The following NECAB1 variants were observed in gnomAD, a reference collection of about 807,000 sequenced individuals.
NECAB1 encodes the protein N-terminal EF-hand calcium binding protein 1, also known as N-terminal EF-hand calcium-binding protein 1.
In NECAB1, 29 loss-of-function variants were observed where a neutral mutation model predicts 57.5. The observed-to-expected ratio is 0.50, with a 90% confidence interval of 0.38 to 0.69. The LOEUF is 0.69. NECAB1 is among the 30% of genes least tolerant of loss of function. NECAB1 has a pLI of 0.00. For synonymous variants in NECAB1, 142 were observed against 147.7 expected, an observed-to-expected ratio of 0.96 and a Z score of 0.28; for missense variants, 372 against 413.8, an observed-to-expected ratio of 0.90 and a Z score of 0.88.
chr8:90,882,871 A>G (rs745442044), intron 5 of NECAB1, among the ~76,000 whole-genome samples: 3 of 152,158 alleles, frequency 2.0e-5, no homozygotes, highest in Non-Finnish European at 4.4e-5. Flanking sequence ...GACAATTAAA[A>G]TCATACTCAA....
chr8:90,858,954 C>A (rs1812845605), intron 3 of NECAB1: 1 of 149,048 alleles, frequency 6.7e-6, no homozygotes, highest in Non-Finnish European at 1.5e-5. Context: ...TACTCTCATG[C>A]CAGTCAATTG....
Position 90,939,885 on chromosome 8 carries a change from C to A in NECAB1, c.748-901C>A, listed in dbSNP as rs949780854. On this transcript the variant is annotated intron_variant, in intron 9 of 12. Transcript: ENST00000417640. ...GGTTTAATTCTCTCATGCTACATAG[C>A]TGGTATTACTGTGGAAGTTATTTTT... Among the ~76,000 whole-genome samples the A allele has an allele frequency of 7.9e-5, 12 of 152,192 alleles. No individual in the cohort carries two copies. In the South Asian group the frequency reaches 2.5e-3, roughly 31 times the overall value.
At chr8:90,928,375 T>C in intron 8 of NECAB1, 76 bp downstream of exon 8, 1 of 1,069,682 alleles carries the variant, frequency 9.3e-7, no homozygotes. Context: ...TTGCTTTATA[T>C]CCATGACTGC....
rs549555061 is a variant in NECAB1, at chr8:90,808,570, C to T, written c.124+6855C>T. ...TACACAGAAACTCTTGGAAAGGTGC[C>T]TGGCCCTTAGGAAGTTCTTAATAAG... On this transcript the variant is annotated intron_variant, in intron 2 of 12. Coordinates refer to ENST00000417640, the MANE Select transcript of NECAB1 (RefSeq NM_022351.5). Among the ~76,000 whole-genome samples, 3 of 151,918 alleles carry T rather than the reference C, an allele frequency of 2.0e-5. No individual in the cohort carries two copies. In the South Asian group the frequency reaches 6.2e-4, roughly 32 times the overall value.
intron 5 of NECAB1, among the ~76,000 whole-genome samples, chr8:90,886,378 CT>C (rs750285509): frequency 6.6e-6 from 1 of 151,898 alleles, no homozygotes. Context: ...TTATAATGTA[CT>C]CAGTTTTGTG....
chr8:90,821,775 AG>A (rs1030042914), intron 2 of NECAB1, among the ~76,000 whole-genome samples: 2 of 151,792 alleles, frequency 1.3e-5, no homozygotes, highest in Non-Finnish European at 2.9e-5. Flanking sequence ...GATCCATAAA[AG>A]CTTGTCTACC....
At chr8:90,943,857 C>T (rs980784290) in intron 10 of NECAB1, among the ~76,000 whole-genome samples, 2 of 152,130 alleles carry the variant, frequency 1.3e-5, no homozygotes, top group Admixed American at 6.5e-5. Context: ...GCTCAAGCAA[C>T]CCTCCCACCT....
chr8:90,823,785 C>G (rs975424102), intron 2 of NECAB1, among the ~76,000 whole-genome samples: 1 of 151,844 alleles, frequency 6.6e-6, no homozygotes, highest in Admixed American at 6.6e-5. Context: ...AGGGATCTTA[C>G]TATCTTTTAC....
chr8:90,833,407 TC>T (rs1484935294), intron 3 of NECAB1, among the ~76,000 whole-genome samples: 3 of 152,106 alleles, frequency 2.0e-5, no homozygotes, highest in African/African-American at 4.8e-5. Flanking sequence ...AAGCTTAAAT[TC>T]TTTTTTTTTA....
At chr8:90,915,543 A>G (rs890719351) in intron 5 of NECAB1, among the ~76,000 whole-genome samples, 1 of 152,176 alleles carries the variant, frequency 6.6e-6, no homozygotes, top group Non-Finnish European at 1.5e-5. Flanking sequence ...TAATTTTTAA[A>G]TAGGACTATT....
Position 90,956,289 on chromosome 8 carries a change from G to A in NECAB1, c.*777G>A, listed in dbSNP as rs891191630. On this transcript the variant is annotated 3_prime_UTR_variant, in exon 13 of 13. Coordinates refer to ENST00000417640, the MANE Select transcript of NECAB1 (RefSeq NM_022351.5). ...TTTATGCTATATAGTTTTGGTATGC[G>A]ATACAGACAGCTAACTTTTCTTATG... is the stretch of plus-strand genomic sequence containing the variant. 2.6e-5 allele frequency: 4 copies of A among 152,016 alleles called. No individual in the cohort carries two copies. Among genetic ancestry groups the A allele is most frequent in the African/African-American group, 7.2e-5 (3 of 41,530 alleles). 9.4% of individuals were successfully genotyped at this position (152,016 alleles called of 1,614,324 possible).
At chr8:90,833,166 A>G (rs1812318909) in intron 3 of NECAB1, among the ~76,000 whole-genome samples, 1 of 151,626 alleles carries the variant, frequency 6.6e-6, no homozygotes, top group African/African-American at 2.4e-5. Context: ...CTTCTATCCT[A>G]CCTTTATACT....
chr8:90,947,488 C>G (rs977603453), intron 10 of NECAB1, among the ~76,000 whole-genome samples: 3 of 151,576 alleles, frequency 2.0e-5, no homozygotes, highest in African/African-American at 7.3e-5. Flanking sequence ...GCAACCTTCA[C>G]CTCCTGGGTT....
rs566437706 is a variant in NECAB1, at chr8:90,846,953, T to C, written c.233+22128T>C. Among the ~76,000 whole-genome samples, 50 of 152,286 alleles carry C rather than the reference T, an allele frequency of 3.3e-4. No homozygotes were observed. The South Asian group carries it at 0.01, about 31-fold the overall frequency. ...GTGGGGACACAGCCAAACCATATCATTGTGCCCTGGCCCCTCTCAAATCTA... is the reference window on the plus strand; with the variant it reads ...GTGGGGACACAGCCAAACCATATCACTGTGCCCTGGCCCCTCTCAAATCTA... On this transcript the variant is annotated intron_variant, in intron 3 of 12. Coordinates refer to ENST00000417640, the MANE Select transcript of NECAB1 (RefSeq NM_022351.5).
At chr8:90,955,117 TATATATA>T (rs1811005832) in intron 12 of NECAB1, among the ~76,000 whole-genome samples, 1 of 86,860 alleles carries the variant, frequency 1.2e-5, no homozygotes, top group African/African-American at 7.1e-5. Flanking sequence ...ATAAATTATA[TATATATA>T]TATATATATA....
intron 3 of NECAB1, among the ~76,000 whole-genome samples, chr8:90,864,001 G>A (rs1808459088): frequency 6.6e-6 from 1 of 152,098 alleles, no homozygotes; most frequent in Non-Finnish European, 1.5e-5. Context: ...ACTGATGCTG[G>A]TCCTCAAAGT....
intron 10 of NECAB1, among the ~76,000 whole-genome samples, chr8:90,948,242 A>G (rs1214752893): frequency 6.6e-6 from 1 of 152,202 alleles, no homozygotes; most frequent in Admixed American, 6.6e-5. Flanking sequence ...ACCCCCAAAG[A>G]GCACATTCAT....
Position 90,958,147 on chromosome 8 carries a change from A to G in NECAB1, c.*2635A>G, listed in dbSNP as rs1471000293. ...ACAAATTGCAGGAGATTTAATGTAT[A>G]AAATTTCTAGGAATTAAAAGCTTAA... On this transcript the variant is annotated 3_prime_UTR_variant, in exon 13 of 13. Coordinates refer to ENST00000417640, the MANE Select transcript of NECAB1 (RefSeq NM_022351.5). The G allele has an allele frequency of 6.6e-6, 1 of 151,120 alleles. No homozygotes were observed. Among genetic ancestry groups the G allele is most frequent in the East Asian group, 1.9e-4 (1 of 5,172 alleles). 9.4% of individuals were successfully genotyped at this position (151,120 alleles called of 1,614,324 possible).
At chr8:90,821,790 G>A (rs1267453857) in intron 2 of NECAB1, among the ~76,000 whole-genome samples, 1 of 151,404 alleles carries the variant, frequency 6.6e-6, no homozygotes, top group Non-Finnish European at 1.5e-5. Context: ...GTCTACCTAT[G>A]TTCTTAATAC....
Sources: allele counts gnomAD v4.1 joint callset (sites outside exome capture counted in the v4.1 genomes callset), GRCh38; gene constraint gnomAD v4.1.1; transcripts MANE v1.5; gene names NCBI Gene and HGNC (gene_info 2026-07-23, HGNC 2026-07-21).